The following ACBD6 variants were observed in gnomAD, a reference collection of about 807,000 sequenced individuals.
The protein encoded by ACBD6 is acyl-CoA binding domain containing 6.
In ACBD6, 28 loss-of-function variants were observed where a neutral mutation model predicts 37.2. The ratio of observed to expected loss-of-function variants is 0.75; its 90% CI spans 0.56 to 1.03. The LOEUF (loss-of-function observed/expected upper bound fraction) is 1.03, where lower values mean the gene tolerates loss of function less well. Among genes scored for constraint, ACBD6 ranks in the 50% least tolerant of loss-of-function variants. ACBD6 has a pLI of 0.00. For synonymous variants in ACBD6, 113 were observed against 126.8 expected (o/e 0.89, Z 0.73); for missense variants, 340 against 337.4 (o/e 1.01, Z -0.06).
At chr1:180,459,213 C>A (rs547454970) in intron 3 of ACBD6, among the ~76,000 whole-genome samples, 1 of 152,142 alleles carries the variant, frequency 6.6e-6, no homozygotes, top group Admixed American at 6.5e-5. Context: ...AGTAATTTGG[C>A]TCCAGTTCAA....
At chr1:180,496,239 C>T (rs554686476) in intron 1 of ACBD6, among the ~76,000 whole-genome samples, 10 of 152,310 alleles carry the variant, frequency 6.6e-5, no homozygotes, top group African/African-American at 2.4e-4. Flanking sequence ...GCAGAATTCA[C>T]TATACAGGCC....
chr1:180,472,735 T>G (rs1334730780), intron 3 of ACBD6, among the ~76,000 whole-genome samples: 2 of 152,204 alleles, frequency 1.3e-5, no homozygotes, highest in Non-Finnish European at 2.9e-5. Flanking sequence ...TCTAAAGTAC[T>G]TTAATTCTTT....
intron 3 of ACBD6, among the ~76,000 whole-genome samples, chr1:180,451,542 T>C (rs973885381): frequency 6.6e-6 from 1 of 152,030 alleles, no homozygotes; most frequent in African/African-American, 2.4e-5. Context: ...ATACTACTCA[T>C]CCATAAAAAG....
At chr1:180,317,067 C>T (rs577778904) in intron 6 of ACBD6, among the ~76,000 whole-genome samples, 1 of 152,304 alleles carries the variant, frequency 6.6e-6, no homozygotes, top group South Asian at 2.1e-4. Context: ...ATGCAAGTTA[C>T]TCAAGCCAAG....
At chr1:180,480,993 T>G (rs1291254252) in intron 3 of ACBD6, among the ~76,000 whole-genome samples, 3 of 150,832 alleles carry the variant, frequency 2.0e-5, no homozygotes, top group Non-Finnish European at 2.9e-5. Context: ...ATCGCACCAC[T>G]GTACTCCAGC....
In ACBD6 at chr1:180,331,597, T is replaced by C. The variant is rs192974079; in HGVS notation, c.664-16875A>G. ...TTTTACGTAAGTATACCTAAGTGAA[T>C]TGGGCTACAATATATTTTGCTACAT... On this transcript the variant is annotated intron_variant, in intron 6 of 7. Transcript: ENST00000367595. Among the ~76,000 whole-genome samples, 63 of 152,336 alleles carry C rather than the reference T, an allele frequency of 4.1e-4. 2 individuals carry two copies. In the East Asian group the frequency reaches 0.011, roughly 27 times the overall value.
chr1:180,332,325 G>T (rs1257347230), intron 6 of ACBD6, among the ~76,000 whole-genome samples: 1 of 152,152 alleles, frequency 6.6e-6, no homozygotes, highest in Admixed American at 6.6e-5. Flanking sequence ...TCTTCAGACA[G>T]CAGTTAAAAC....
chr1:180,435,820 G>A (rs1649015194), intron 3 of ACBD6: 1 of 999,574 alleles, frequency 1.0e-6, no homozygotes. Flanking sequence ...CCAGCCTGAT[G>A]GGTTTAGGAT....
At chr1:180,303,991 A>C (rs1650244050) in intron 7 of ACBD6, among the ~76,000 whole-genome samples, 1 of 150,984 alleles carries the variant, frequency 6.6e-6, no homozygotes, top group African/African-American at 2.4e-5. Context: ...TATAAACAGA[A>C]CCAATGACAA....
chr1:180,493,083 T>G (rs1336262130), intron 2 of ACBD6, among the ~76,000 whole-genome samples: 1 of 151,538 alleles, frequency 6.6e-6, no homozygotes, highest in Non-Finnish European at 1.5e-5. Context: ...ACCCCATCTC[T>G]ACTAAAGATA....
chr1:180,489,173 T>TA (rs1204698589), intron 3 of ACBD6, among the ~76,000 whole-genome samples: 10 of 150,756 alleles, frequency 6.6e-5, no homozygotes, highest in East Asian at 5.8e-4. Flanking sequence ...CTCAAAAAAA[T>TA]AAAAAAAAAC....
intron 6 of ACBD6, among the ~76,000 whole-genome samples, chr1:180,334,200 A>C (rs1651606429): frequency 6.6e-6 from 1 of 152,186 alleles, no homozygotes; most frequent in African/African-American, 2.4e-5. Context: ...GAGATCTGAG[A>C]ACAGACAGAC....
At chr1:180,501,955 T>C in intron 1 of ACBD6, 90 bp downstream of exon 1, 1 of 1,144,088 alleles carries the variant, frequency 8.7e-7, no homozygotes. Context: ...TCATTACACC[T>C]AGCTATTAAC....
chr1:180,391,854 G>T (rs1474711023), intron 6 of ACBD6, among the ~76,000 whole-genome samples: 3 of 151,406 alleles, frequency 2.0e-5, no homozygotes, highest in Non-Finnish European at 2.9e-5. Flanking sequence ...ATTCAAGAAA[G>T]CTCACAGCCC....
At chr1:180,430,016 C>G (rs931520353) in intron 4 of ACBD6, among the ~76,000 whole-genome samples, 164 bp downstream of exon 4, 1 of 152,136 alleles carries the variant, frequency 6.6e-6, no homozygotes, top group Admixed American at 6.5e-5. Context: ...CTGGCAAATA[C>G]CACCAAATCA....
At chr1:180,370,729 T>A (rs1196454832) in intron 6 of ACBD6, among the ~76,000 whole-genome samples, 1 of 150,532 alleles carries the variant, frequency 6.6e-6, no homozygotes, top group African/African-American at 2.5e-5. Flanking sequence ...AATTACTTAG[T>A]TATACATTTT....
intron 6 of ACBD6, among the ~76,000 whole-genome samples, chr1:180,389,640 T>C (rs1275546757): frequency 6.6e-6 from 1 of 152,238 alleles, no homozygotes; most frequent in Non-Finnish European, 1.5e-5. Context: ...TGTTCCTATT[T>C]CTCCACATCC....
At chr1:180,489,749 C>T (rs913482036) in intron 3 of ACBD6, among the ~76,000 whole-genome samples, 8 of 151,868 alleles carry the variant, frequency 5.3e-5, no homozygotes, top group Admixed American at 1.3e-4. Context: ...CTCTGCCTCC[C>T]GGGTTCAAGC....
intron 8 of ACBD6, chr1:180,281,501 T>C (rs1260819254): frequency 6.6e-6 from 1 of 152,250 alleles, no homozygotes; most frequent in African/African-American, 2.4e-5. Flanking sequence ...TATCTGCATG[T>C]ATTTCCTAAG....
Sources: allele counts gnomAD v4.1 joint callset (sites outside exome capture counted in the v4.1 genomes callset), GRCh38; gene constraint gnomAD v4.1.1; transcripts MANE v1.5; gene names NCBI Gene and HGNC (gene_info 2026-07-23, HGNC 2026-07-21).